ARHGAP15: variants seen among roughly 807,000 people sequenced by gnomAD.
The protein encoded by ARHGAP15 is rho GTPase-activating protein 15.
A neutral mutation model predicts 63.7 loss-of-function variants in ARHGAP15; 51 were observed. The ratio of observed to expected loss-of-function variants is 0.80; its 90% CI spans 0.64 to 1.01. The LOEUF (loss-of-function observed/expected upper bound fraction) is 1.01. ARHGAP15 is among the 50% of genes least tolerant of loss of function. The pLI is 0.00. For synonymous variants in ARHGAP15, 191 were observed against 193.8 expected (o/e 0.99, Z 0.12); for missense variants, 560 against 564.6 (o/e 0.99, Z 0.08).
intron 6 of ARHGAP15, among the ~76,000 whole-genome samples, chr2:143,407,924 T>G (rs2105013737): frequency 6.9e-6 from 1 of 145,154 alleles, no homozygotes; most frequent in African/African-American, 2.5e-5. Context: ...TGTGACATTT[T>G]CTCCTGTTTT....
chr2:143,466,450 A>G (rs1691216668), intron 8 of ARHGAP15, among the ~76,000 whole-genome samples: 1 of 151,944 alleles, frequency 6.6e-6, no homozygotes, highest in East Asian at 1.9e-4. Context: ...ATAAATCAGC[A>G]TATATATTTG....
At chr2:143,453,606 T>C (rs1177101870) in intron 8 of ARHGAP15, among the ~76,000 whole-genome samples, 1 of 152,030 alleles carries the variant, frequency 6.6e-6, no homozygotes, top group Non-Finnish European at 1.5e-5. Context: ...TAGAGATTAA[T>C]GTATTTTCCA....
intron 6 of ARHGAP15, among the ~76,000 whole-genome samples, chr2:143,327,489 T>A (rs1360467756): frequency 1.3e-5 from 2 of 152,138 alleles, no homozygotes. Context: ...CTACCTGACT[T>A]CAAACTATAC....
At chr2:143,183,978 C>T (rs1487653524) in intron 2 of ARHGAP15, among the ~76,000 whole-genome samples, 7 of 152,126 alleles carry the variant, frequency 4.6e-5, no homozygotes, top group Non-Finnish European at 7.3e-5. Flanking sequence ...ACTATTAGCC[C>T]ATGGCAGTTG....
At chr2:143,570,344 C>T (rs1198021992) in intron 11 of ARHGAP15, among the ~76,000 whole-genome samples, 1 of 152,184 alleles carries the variant, frequency 6.6e-6, no homozygotes, top group African/African-American at 2.4e-5. Flanking sequence ...ACTTCAACTA[C>T]TCAATTTACA....
Position 143,556,499 on chromosome 2 carries a change from A to G in ARHGAP15, c.1003+14A>G, listed in dbSNP as rs1695805808. ...TTGTCAACCAAGGTAAGTGATTTCC[A>G]CTTCAGAGATTTTTTCAAACAGTTT... On this transcript the variant is annotated intron_variant, in intron 11 of 13. Coordinates refer to ENST00000295095, the MANE Select transcript of ARHGAP15 (RefSeq NM_018460.4). 2 of 1,604,750 alleles carry G rather than the reference A, an allele frequency of 1.2e-6. No individual in the cohort carries two copies. Among genetic ancestry groups the G allele is most frequent in the African/African-American group, 1.3e-5 (1 of 74,674 alleles).
chr2:143,320,340 C>T (rs1459833698), intron 6 of ARHGAP15, among the ~76,000 whole-genome samples: 1 of 146,324 alleles, frequency 6.8e-6, no homozygotes, highest in Non-Finnish European at 1.5e-5. Context: ...AATGTCAGCC[C>T]TAAAATGGCC....
At chr2:143,643,010 C>T (rs950634025) in intron 12 of ARHGAP15, among the ~76,000 whole-genome samples, 2 of 151,922 alleles carry the variant, frequency 1.3e-5, no homozygotes, top group Non-Finnish European at 2.9e-5. Flanking sequence ...GAACTTTCCA[C>T]AGAAAAGGGA....
chr2:143,524,023 CT>C (rs924664270), intron 10 of ARHGAP15, among the ~76,000 whole-genome samples: 11 of 152,044 alleles, frequency 7.2e-5, no homozygotes, highest in African/African-American at 2.4e-4. Flanking sequence ...CCCTTTCTGT[CT>C]TTTTTCTGGA....
rs145690361 is a variant in ARHGAP15, at chr2:143,680,086, A to G, written c.1139-23333A>G. On this transcript the variant is annotated intron_variant, in intron 12 of 13. Transcript: ENST00000295095. ...TGGTAGTGTTTAAAGACAATTTGCC[A>G]TGGAGGAATAGTTAAATCATTTGGC... 3.4e-3 allele frequency among the ~76,000 whole-genome samples: 521 copies of G among 151,566 alleles called. 2 individuals carry two copies. The highest frequency in any genetic ancestry group is 0.012 in the African/African-American group (502 of 41,208).
intron 11 of ARHGAP15, among the ~76,000 whole-genome samples, chr2:143,617,369 A>G (rs1698490032): frequency 6.6e-6 from 1 of 152,194 alleles, no homozygotes; most frequent in African/African-American, 2.4e-5. Flanking sequence ...TGGGTGGTTT[A>G]AACACCAGAA....
At chr2:143,245,871 A>T (rs1694029344) in intron 5 of ARHGAP15, among the ~76,000 whole-genome samples, 1 of 152,184 alleles carries the variant, frequency 6.6e-6, no homozygotes. Flanking sequence ...CAGGTCAGGT[A>T]ATTTTGACAC....
chr2:143,718,175 G>C (rs1049885894), intron 13 of ARHGAP15, among the ~76,000 whole-genome samples: 12 of 152,096 alleles, frequency 7.9e-5, no homozygotes, highest in African/African-American at 2.9e-4. Flanking sequence ...TCTAGGCTGA[G>C]AAAAGGCTGA....
chr2:143,603,812 G>C (rs1697873418), intron 11 of ARHGAP15, among the ~76,000 whole-genome samples: 1 of 152,140 alleles, frequency 6.6e-6, no homozygotes, highest in Admixed American at 6.5e-5. Flanking sequence ...TGGAAAAGTA[G>C]TTATCCATAT....
At chr2:143,254,543 C>T (rs6714864) in intron 6 of ARHGAP15, among the ~76,000 whole-genome samples, 35,656 of 151,872 alleles carry the variant, frequency 0.23, 4,437 homozygotes, top group South Asian at 0.33. Flanking sequence ...AAAGGAAGTT[C>T]GTGACATGGC....
chr2:143,336,341 G>GAT (rs1480132344), intron 6 of ARHGAP15, among the ~76,000 whole-genome samples: 3 of 152,286 alleles, frequency 2.0e-5, no homozygotes, highest in African/African-American at 7.2e-5. Flanking sequence ...AACAGCCAGA[G>GAT]ATGAATACTG....
chr2:143,388,234 G>T (rs1426047984), intron 6 of ARHGAP15, among the ~76,000 whole-genome samples: 1 of 152,290 alleles, frequency 6.6e-6, no homozygotes, highest in African/African-American at 2.4e-5. Flanking sequence ...AAATAACAGT[G>T]TTCAAAGAAG....
intron 6 of ARHGAP15, among the ~76,000 whole-genome samples, chr2:143,423,126 G>C (rs1160598060): frequency 6.6e-6 from 1 of 152,060 alleles, no homozygotes; most frequent in Non-Finnish European, 1.5e-5. Flanking sequence ...CCATGGAAGA[G>C]GTATTCTTCT....
chr2:143,641,309 T>C (rs1045644829), intron 12 of ARHGAP15: 2 of 151,988 alleles, frequency 1.3e-5, no homozygotes, highest in Admixed American at 6.6e-5. Context: ...TGTGTATTCA[T>C]ATAGAGTATT....
Sources: gnomAD v4.1 joint callset for allele counts (sites outside exome capture counted in the v4.1 genomes callset) on GRCh38, gnomAD v4.1.1 for gene constraint, MANE v1.5 for transcripts, NCBI Gene and HGNC (gene_info 2026-07-23, HGNC 2026-07-21) for gene names.